Variants in FANCC observed in about 807,000 individuals in gnomAD.
The protein encoded by FANCC is Fanconi anemia group C protein.
A neutral mutation model predicts 71.3 loss-of-function variants in FANCC; 55 were observed. The ratio of observed to expected loss-of-function variants is 0.77; its 90% confidence interval spans 0.62 to 0.97. The LOEUF (loss-of-function observed/expected upper bound fraction) is 0.97, where lower values mean the gene tolerates loss of function less well. Among genes scored for constraint, FANCC ranks in the 50% least tolerant of loss-of-function variants. The probability of loss-of-function intolerance (pLI) is 0.00; values close to 1 mark genes in which losing one functional copy is unlikely to be tolerated. For synonymous variants in FANCC, 275 were observed against 244.9 expected (o/e 1.12, Z -1.15); for missense variants, 678 against 670.9 (o/e 1.01, Z -0.12).
chr9:95,307,553 T>C (rs937102196), intron 1 of FANCC, among the ~76,000 whole-genome samples: 3 of 152,248 alleles, frequency 2.0e-5, no homozygotes, highest in Admixed American at 6.5e-5. Flanking sequence ...TCCATTTTTT[T>C]CTAAGTGTTA....
chr9:95,262,051 C>T (rs1763733962), intron 1 of FANCC, among the ~76,000 whole-genome samples: 1 of 152,086 alleles, frequency 6.6e-6, no homozygotes, highest in Non-Finnish European at 1.5e-5. Flanking sequence ...AGTTTGGTTG[C>T]TTGTTAAGTA....
At chr9:95,183,635 T>A (rs187957584) in intron 4 of FANCC, among the ~76,000 whole-genome samples, 1 of 152,356 alleles carries the variant, frequency 6.6e-6, no homozygotes, top group East Asian at 1.9e-4. Context: ...TATTAACTCA[T>A]GTTGGTAACA....
intron 4 of FANCC, 45 bp from the exon 5 acceptor site, chr9:95,172,192 G>C: frequency 2.4e-6 from 3 of 1,276,348 alleles, no homozygotes; most frequent in Non-Finnish European, 3.4e-6. Context: ...AAAAGTAAAT[G>C]CAAGTGCCTT....
chr9:95,188,199 A>G (rs1229250071), intron 4 of FANCC, among the ~76,000 whole-genome samples: 1 of 152,174 alleles, frequency 6.6e-6, no homozygotes, highest in African/African-American at 2.4e-5. Flanking sequence ...TATCACTGCC[A>G]ATACTAAACT....
chr9:95,204,428 G>C lies in FANCC; in HGVS notation c.346-32281C>G, dbSNP rs79751205. Among the ~76,000 whole-genome samples, 500 of 152,240 alleles carry C rather than the reference G, an allele frequency of 3.3e-3. 9 individuals carry two copies. The East Asian group carries it at 0.043, about 13-fold the overall frequency. Reference sequence around the variant, plus strand: ...TAGAAATCTGCTAAACTTCCACTGGGTCTCAGGCAGCCCACTTGGTGGGAA... The same window carrying C: ...TAGAAATCTGCTAAACTTCCACTGGCTCTCAGGCAGCCCACTTGGTGGGAA... On this transcript the variant is annotated intron_variant, in intron 4 of 14. Transcript: ENST00000289081.
intron 4 of FANCC, among the ~76,000 whole-genome samples, chr9:95,218,482 G>A (rs1185703330): frequency 6.6e-6 from 1 of 152,022 alleles, no homozygotes; most frequent in Non-Finnish European, 1.5e-5. Context: ...AATAATAAGA[G>A]TGAATTACCC....
At chr9:95,243,159 C>T (rs1443874464) in intron 3 of FANCC, among the ~76,000 whole-genome samples, 1 of 152,056 alleles carries the variant, frequency 6.6e-6, no homozygotes, top group Non-Finnish European at 1.5e-5. Flanking sequence ...TTTTAAGCTG[C>T]TAAGTTTGGC....
intron 1 of FANCC, chr9:95,293,884 G>T: frequency 1.2e-6 from 2 of 1,605,796 alleles, no homozygotes; most frequent in South Asian, 2.2e-5. Flanking sequence ...GGAATGTGCA[G>T]AGACATTTTT....
chr9:95,152,305 A>G (rs1830220802), intron 6 of FANCC, among the ~76,000 whole-genome samples: 1 of 152,264 alleles, frequency 6.6e-6, no homozygotes. Context: ...GCCAGATGAT[A>G]CTGAGTGTCA....
intron 4 of FANCC, among the ~76,000 whole-genome samples, chr9:95,176,922 C>T (rs368151217): frequency 8.5e-5 from 13 of 152,340 alleles, no homozygotes; most frequent in South Asian, 4.1e-4. Context: ...GACCAGCTCA[C>T]GGAGGGTGAC....
chr9:95,197,559 A>G (rs1332506612), intron 4 of FANCC, among the ~76,000 whole-genome samples: 2 of 152,228 alleles, frequency 1.3e-5, no homozygotes, highest in Admixed American at 1.3e-4. Flanking sequence ...ACCCCAATAT[A>G]ATAAAGGAAC....
chr9:95,216,683 A>G (rs1828884013), intron 4 of FANCC, among the ~76,000 whole-genome samples: 1 of 152,246 alleles, frequency 6.6e-6, no homozygotes, highest in African/African-American at 2.4e-5. Flanking sequence ...AGATTTGAGC[A>G]ATACAAGCTG....
chr9:95,111,311 TCAC>T, intron 13 of FANCC, 149 bp downstream of exon 13: 1 of 1,591,434 alleles, frequency 6.3e-7, no homozygotes, highest in Non-Finnish European at 8.5e-7. Flanking sequence ...AGGCTGGAGA[TCAC>T]CATGCCTGCA....
rs1011025953 is a variant in FANCC, at chr9:95,101,501, A to G, written c.*206T>C. 101 of 636,036 alleles carry G rather than the reference A, an allele frequency of 1.6e-4. No homozygotes were observed. The East Asian group carries it at 2.8e-3, about 18-fold the overall frequency. The allele number at this position is 636,036 out of a possible 1,614,324, so 39.4% of individuals were successfully genotyped here. On this transcript the variant is annotated 3_prime_UTR_variant, in exon 15 of 15. Transcript: ENST00000289081. ...AGGCTCACTTGAGTCATTAGTGAAC[A>G]TGTCTGACTGAGTCTGGGCTGAGGG...
At chr9:95,208,882 T>G (rs1210328526) in intron 4 of FANCC, among the ~76,000 whole-genome samples, 2 of 152,174 alleles carry the variant, frequency 1.3e-5, no homozygotes, top group Non-Finnish European at 2.9e-5. Flanking sequence ...CCTATCATAC[T>G]CCTTGATATT....
intron 14 of FANCC, among the ~76,000 whole-genome samples, chr9:95,106,555 A>T (rs1588026592): frequency 6.6e-6 from 1 of 152,340 alleles, no homozygotes; most frequent in South Asian, 2.1e-4. Flanking sequence ...AATGTCACAA[A>T]GAGTGCTCAC....
intron 1 of FANCC, among the ~76,000 whole-genome samples, chr9:95,299,460 C>T (rs150507131): frequency 1.4e-3 from 213 of 152,284 alleles, no homozygotes; most frequent in African/African-American, 4.7e-3. Flanking sequence ...CACATCTAAC[C>T]GCCTTCTTGG....
At chr9:95,240,609 T>C (rs1699430697) in intron 4 of FANCC, 40 bp downstream of exon 4, 2 of 1,468,114 alleles carry the variant, frequency 1.4e-6, no homozygotes, top group Non-Finnish European at 1.9e-6. Flanking sequence ...AAATAATCAA[T>C]TTAATTCAAA....
At chr9:95,187,589 G>C (rs1363805543) in intron 4 of FANCC, among the ~76,000 whole-genome samples, 1 of 152,118 alleles carries the variant, frequency 6.6e-6, no homozygotes, top group Non-Finnish European at 1.5e-5. Context: ...CAAACCTCTG[G>C]GGGTGGGCCC....
Sources: allele counts gnomAD v4.1 joint callset (sites outside exome capture counted in the v4.1 genomes callset), GRCh38; gene constraint gnomAD v4.1.1; transcripts MANE v1.5; gene names NCBI Gene and HGNC (gene_info 2026-07-23, HGNC 2026-07-21).